Variants in PDE6B observed in about 807,000 individuals in gnomAD.
PDE6B encodes the protein rod cGMP-specific 3',5'-cyclic phosphodiesterase subunit beta.
In PDE6B, 106 loss-of-function variants were observed where a neutral mutation model predicts 109.0. The observed-to-expected ratio is 0.97, with a 90% CI of 0.83 to 1.14. The LOEUF is 1.14. Ranked by LOEUF, PDE6B falls within the 50% of genes most tolerant of loss-of-function variation. The probability of loss-of-function intolerance (pLI) is 0.00; values close to 1 mark genes in which losing one functional copy is unlikely to be tolerated. For synonymous variants in PDE6B, 490 were observed against 471.3 expected (o/e 1.04, Z -0.51); for missense variants, 1,193 against 1,155.6 (o/e 1.03, Z -0.47).
At position 633,888 on chromosome 4, in the gene PDE6B, C is replaced by A. The variant is rs757481685; in HGVS notation, c.469-789C>A. Among the ~76,000 whole-genome samples, 10 of 152,124 alleles carry A rather than the reference C, an allele frequency of 6.6e-5. No individual in the cohort carries two copies. Among genetic ancestry groups the A allele is most frequent in the Non-Finnish European group, 1.5e-4 (10 of 68,002 alleles). ...GGGGGTGTCTGGTCTCAGTAACCCT[C>A]GCTGTGTCTGAGCTGAGGCAGAGCT... On this transcript the variant is annotated intron_variant, in intron 1 of 21. Transcript: ENST00000496514. This position sits in a 1 kb window ranked among gnomAD's most constrained non-coding sequence, Gnocchi z 4.5.
Position 625,906 on chromosome 4 carries a change from CTCT to C in PDE6B, c.283_285del (p.Phe95del). On this transcript the variant is annotated inframe_deletion, in exon 1 of 22. Transcript: ENST00000496514. This position sits in a 1 kb window ranked among gnomAD's most constrained non-coding sequence, Gnocchi z 5.0. ...CCTCCTGCAGGCCGACCGCTGCAGC[CTCT>C]TCATGTACCGCCAGCGCAACGGCGT... 1.2e-6 allele frequency: 2 copies of C among 1,603,766 alleles called. No homozygotes were observed. The highest frequency in any genetic ancestry group is 1.1e-5 in the South Asian group (1 of 89,786).
Position 662,998 on chromosome 4 carries a change from G to A in PDE6B, c.1833-102G>A, listed in dbSNP as rs1737290800. 3.9e-6 allele frequency: 3 copies of A among 764,760 alleles called. No individual in the cohort carries two copies. The Admixed American group carries it at 5.5e-5, about 14-fold the overall frequency. 47.4% of individuals were successfully genotyped at this position (764,760 alleles called of 1,614,324 possible). On this transcript the variant is annotated intron_variant, in intron 14 of 21. Coordinates refer to ENST00000496514, the MANE Select transcript of PDE6B (RefSeq NM_000283.4). The surrounding 1 kb of genome is among the most constrained non-coding windows in gnomAD (Gnocchi z 4.3). Reference sequence around the variant, plus strand: ...AGAGTGGGTGACAGAGGCAGACCCTGTCTCAAAAAAAAGAAAGTGGGGCCC... The same window carrying A: ...AGAGTGGGTGACAGAGGCAGACCCTATCTCAAAAAAAAGAAAGTGGGGCCC...
chr4:668,165 C>G lies in PDE6B; in HGVS notation c.2503+159C>G, dbSNP rs765151877. 9.3e-4 allele frequency among the ~76,000 whole-genome samples: 141 copies of G among 151,906 alleles called. 1 individual carries two copies. The highest frequency in any genetic ancestry group is 3.5e-4 in the Non-Finnish European group (24 of 67,956). On this transcript the variant is annotated intron_variant, in intron 21 of 21. Transcript: ENST00000496514. Reference sequence around the variant, plus strand: ...CACAGTGCAGGGAGAGAGGCCACGGCGGGGGAGAGTGGCAGCTGACTCCAC... The same window carrying G: ...CACAGTGCAGGGAGAGAGGCCACGGGGGGGGAGAGTGGCAGCTGACTCCAC...
Position 667,970 on chromosome 4 carries a change from G to GAGA in PDE6B, c.2470_2472dup (p.Lys824dup). ...TGAGGCCAAAGTGAAGGCTCTGGAG[G>GAGA]AGAAGGAGGAGGAGGAGAGGGTGGC... On this transcript the variant is annotated inframe_insertion, in exon 21 of 22. Coordinates refer to ENST00000496514, the MANE Select transcript of PDE6B (RefSeq NM_000283.4). The GAGA allele has an allele frequency of 6.2e-7, 1 of 1,613,004 alleles. No individual in the cohort carries two copies. Among genetic ancestry groups the GAGA allele is most frequent in the Non-Finnish European group, 8.5e-7 (1 of 1,179,712 alleles).
rs779051008 is a variant in PDE6B, at chr4:648,062, C to CA, written c.712-5786dup. Among the ~76,000 whole-genome samples, 6 of 150,942 alleles carry CA rather than the reference C, an allele frequency of 4.0e-5. No individual in the cohort carries two copies. The South Asian group carries it at 1.0e-3, about 26-fold the overall frequency. On this transcript the variant is annotated intron_variant, in intron 3 of 21. Transcript: ENST00000496514. This position sits in a 1 kb window ranked among gnomAD's most constrained non-coding sequence, Gnocchi z 4.5. ...TGCACTTTAGCCTGGGCAACAAGAG[C>CA]AAAACTCCATCTCGAAAAAAAAAAG... is the stretch of plus-strand genomic sequence containing the variant.
rs780618229 is a variant in PDE6B, at chr4:662,172, C to T, written c.1653C>T (p.Tyr551=). ...TCCTGTTCTCCATCAGCAAAGGGTA[C>T]CGGAGAATCACCTACCACAACTGGC... ...VRFLFSISKG[Y]RRITYHNWRH... The change falls in exon 13 of 22, where the codon TAC becomes TAT. Residue 551 remains tyrosine, a synonymous_variant. Coordinates refer to ENST00000496514, the MANE Select transcript of PDE6B (RefSeq NM_000283.4). The surrounding 1 kb of genome is among the most constrained non-coding windows in gnomAD (Gnocchi z 4.3). 2.7e-5 allele frequency: 42 copies of T among 1,578,618 alleles called. No homozygotes were observed. Among genetic ancestry groups the T allele is most frequent in the Non-Finnish European group, 1.9e-5 (22 of 1,162,090 alleles).
rs373587270 is a variant in PDE6B at position 663,068 on chromosome 4, C to A, written c.1833-32C>A. 1.7e-5 allele frequency: 22 copies of A among 1,309,802 alleles called. No individual in the cohort carries two copies. In the African/African-American group the frequency reaches 3.2e-4, roughly 19 times the overall value. 81.1% of individuals were successfully genotyped at this position (1,309,802 alleles called of 1,614,324 possible). A position where few individuals can be genotyped will look rare whatever the true frequency, so the allele number is the denominator to read the frequency against. The stretch of plus-strand genomic sequence containing the variant: ...CGCAGGGTGGGCCAAGGGCAGGTCC[C>A]ACGGGCCTCACCTCCACCACCTGTG... On this transcript the variant is annotated intron_variant, in intron 14 of 21. Transcript: ENST00000496514. The surrounding 1 kb of genome is among the most constrained non-coding windows in gnomAD (Gnocchi z 4.0).
rs1162762719 is a variant in PDE6B, at chr4:636,250, T to C, written c.711+281T>C. ...CCTTTCCTAGAGGCTGCCCCCAACC[T>C]CCTTGGGAGAAGCCAGTATGAGTGA... is the stretch of plus-strand genomic sequence containing the variant. On this transcript the variant is annotated intron_variant, in intron 3 of 21. Transcript: ENST00000496514. The surrounding 1 kb of genome is among the most constrained non-coding windows in gnomAD (Gnocchi z 4.5). Among the ~76,000 whole-genome samples the C allele has an allele frequency of 6.6e-6, 1 of 152,056 alleles. No individual in the cohort carries two copies. Among genetic ancestry groups the C allele is most frequent in the East Asian group, 1.9e-4 (1 of 5,178 alleles).
chr4:659,102 C>A (rs1440387585), intron 11 of PDE6B, 85 bp downstream of exon 11: 2 of 989,186 alleles, frequency 2.0e-6, no homozygotes, highest in African/African-American at 1.6e-5. Context: ...CGGGACCCGA[C>A]GGTGCTTTGC....
Position 665,358 on chromosome 4 carries a change from C to G in PDE6B, c.2268+29C>G. ...AGTGCTGCTTCTGGAACCTTCCACT[C>G]CTGAAACGGGTGTTAGAGACCCCTC... On this transcript the variant is annotated intron_variant, in intron 19 of 21. Coordinates refer to ENST00000496514, the MANE Select transcript of PDE6B (RefSeq NM_000283.4). The surrounding 1 kb of genome is among the most constrained non-coding windows in gnomAD (Gnocchi z 4.0). The G allele has an allele frequency of 6.6e-7, 1 of 1,519,052 alleles. No homozygotes were observed. Among genetic ancestry groups the G allele is most frequent in the Non-Finnish European group, 9.1e-7 (1 of 1,094,756 alleles). The allele number at this position is 1,519,052 out of a possible 1,614,324, so 94.1% of individuals were successfully genotyped here.
intron 17 of PDE6B, 103 bp from the exon 18 acceptor site, chr4:664,778 C>T (rs1737590823): frequency 1.1e-6 from 1 of 918,638 alleles, no homozygotes; most frequent in Non-Finnish European, 1.8e-6. Context: ...TGCACTCCAG[C>T]CTGGGCAACA....
Position 662,624 on chromosome 4 carries a change from C to T in PDE6B, c.1832+6C>T. The T allele has an allele frequency of 6.5e-7, 1 of 1,543,078 alleles. No individual in the cohort carries two copies. Among genetic ancestry groups the T allele is most frequent in the Non-Finnish European group, 9.0e-7 (1 of 1,115,916 alleles). On this transcript the variant is annotated splice_donor_region_variant and intron_variant, in intron 14 of 21. Coordinates refer to ENST00000496514, the MANE Select transcript of PDE6B (RefSeq NM_000283.4). This position sits in a 1 kb window ranked among gnomAD's most constrained non-coding sequence, Gnocchi z 4.3. ...AACAACCTGTACCAGATGAAGTAGGCACCTCAGGGCGGGCATGTGAATTAG... is the reference window on the plus strand; with the variant it reads ...AACAACCTGTACCAGATGAAGTAGGTACCTCAGGGCGGGCATGTGAATTAG...
rs747970185 is a variant in PDE6B at position 663,106 on chromosome 4, G to GA, written c.1841dup (p.Asn614LysfsTer5). 9.3e-6 allele frequency: 15 copies of GA among 1,605,588 alleles called. No individual in the cohort carries two copies. The highest frequency in any genetic ancestry group is 1.3e-5 in the African/African-American group (1 of 74,764). ...TCCACCACCTGTGTAACAGGTCCCA[G>GA]AACCCCTTGGCTAAGCTCCACGGCT... On this transcript the variant is annotated frameshift_variant, in exon 15 of 22. Coordinates refer to ENST00000496514, the MANE Select transcript of PDE6B (RefSeq NM_000283.4). LOFTEE classifies it high-confidence loss of function. This position sits in a 1 kb window ranked among gnomAD's most constrained non-coding sequence, Gnocchi z 4.0.
intron 10 of PDE6B, 53 bp from the exon 11 acceptor site, chr4:658,899 C>T (rs1238129945): frequency 7.4e-7 from 1 of 1,345,704 alleles, no homozygotes; most frequent in Non-Finnish European, 1.1e-6. Context: ...ACCGCCGTCA[C>T]CTTGTCCCAC....
chr4:641,488 A>G (rs1245347636), intron 3 of PDE6B, among the ~76,000 whole-genome samples: 3 of 152,196 alleles, frequency 2.0e-5, no homozygotes, highest in African/African-American at 7.2e-5. Context: ...GGTCATGTCC[A>G]GGGGGCTCAC....
At position 652,430 on chromosome 4, in the gene PDE6B, T is replaced by A. The variant is rs1037505547; in HGVS notation, c.712-1422T>A. ...CAGGAGGCCGGGGCAGGAAGAGAGA[T>A]AGAGAAAGCAGAGACGTTGGTGAAA... On this transcript the variant is annotated intron_variant, in intron 3 of 21. Coordinates refer to ENST00000496514, the MANE Select transcript of PDE6B (RefSeq NM_000283.4). 9.3e-6 allele frequency: 8 copies of A among 861,860 alleles called. No homozygotes were observed. The South Asian group carries it at 3.7e-4, about 40-fold the overall frequency. 53.4% of individuals were successfully genotyped at this position (861,860 alleles called of 1,614,324 possible). A position where few individuals can be genotyped will look rare whatever the true frequency, so the allele number is the denominator to read the frequency against.
rs148693818 is a variant in PDE6B at position 627,138 on chromosome 4, T to C, written c.468+1044T>C. Among the ~76,000 whole-genome samples the C allele has an allele frequency of 4.8e-3, 720 of 151,288 alleles. 3 individuals are homozygous for C. The highest frequency in any genetic ancestry group is 7.7e-3 in the Non-Finnish European group (522 of 67,814). ...CTGGGGAGTGGCAATCCTGGTTTGT[T>C]TTCGTTTGTGGGTTTTTTTTTTTTT... On this transcript the variant is annotated intron_variant, in intron 1 of 21. Transcript: ENST00000496514.
intron 3 of PDE6B, among the ~76,000 whole-genome samples, chr4:643,232 C>T (rs774245488): frequency 1.3e-5 from 2 of 151,854 alleles, no homozygotes; most frequent in African/African-American, 2.4e-5. Flanking sequence ...CACTTGAACC[C>T]GGGAAGTGGA....
chr4:667,973 AAGG>A lies in PDE6B; in HGVS notation c.2482_2484del (p.Glu828del), dbSNP rs777568669. ...GGCCAAAGTGAAGGCTCTGGAGGAG[AAGG>A]AGGAGGAGGAGAGGGTGGCAGCCAA... On this transcript the variant is annotated inframe_deletion, in exon 21 of 22. Coordinates refer to ENST00000496514, the MANE Select transcript of PDE6B (RefSeq NM_000283.4). 4.1e-5 allele frequency: 66 copies of A among 1,609,414 alleles called. No individual in the cohort carries two copies. The highest frequency in any genetic ancestry group is 4.1e-5 in the Non-Finnish European group (48 of 1,177,012).
Sources: allele counts gnomAD v4.1 joint callset (sites outside exome capture counted in the v4.1 genomes callset), GRCh38; gene constraint gnomAD v4.1.1; non-coding constraint Gnocchi (gnomAD v3.1); transcripts MANE v1.5; gene names NCBI Gene and HGNC (gene_info 2026-07-23, HGNC 2026-07-21).